Variants in INPP5D observed in about 807,000 individuals in gnomAD.
INPP5D encodes the protein inositol polyphosphate-5-phosphatase D, also known as phosphatidylinositol 3,4,5-trisphosphate 5-phosphatase 1.
Under a neutral mutation model 122.9 loss-of-function variants are expected in INPP5D, and 33 were observed. The ratio of observed to expected loss-of-function variants is 0.27; its 90% CI spans 0.20 to 0.36. INPP5D has a LOEUF of 0.36. INPP5D is among the 10% of genes least tolerant of loss of function. The pLI is 1.00. For synonymous variants in INPP5D, 584 were observed against 576.2 expected, an observed-to-expected ratio of 1.01 and a Z score of -0.19; for missense variants, 1,053 against 1,412.7, an observed-to-expected ratio of 0.75 and a Z score of 4.08.
chr2:233,187,905 A>G (rs1694961263), intron 21 of INPP5D, among the ~76,000 whole-genome samples: 1 of 151,904 alleles, frequency 6.6e-6, no homozygotes, highest in Non-Finnish European at 1.5e-5. Context: ...GCAGCACCCC[A>G]TTCCACAACA....
chr2:233,148,138 C>A (rs1693818487), intron 9 of INPP5D, among the ~76,000 whole-genome samples: 1 of 152,204 alleles, frequency 6.6e-6, no homozygotes, highest in Non-Finnish European at 1.5e-5. Flanking sequence ...GCTCTTCACA[C>A]AACAAATGCA....
chr2:233,108,628 T>C (rs952304735), intron 2 of INPP5D, among the ~76,000 whole-genome samples: 1 of 152,188 alleles, frequency 6.6e-6, no homozygotes, highest in Non-Finnish European at 1.5e-5. Flanking sequence ...AATCAGGCCA[T>C]CTTTGTGAGA....
rs1692289920 is a variant in INPP5D, at chr2:233,100,793, G to A, written c.199-21314G>A. ...CCAGAGGGCAGGGTGGGCCCCACTG[G>A]GGAGCTGGAGGGCTCACTTTTGTCA... On this transcript the variant is annotated intron_variant, in intron 2 of 26. Coordinates refer to ENST00000445964, the MANE Select transcript of INPP5D (RefSeq NM_001017915.3). The surrounding 1 kb of genome is among the most constrained non-coding windows in gnomAD (Gnocchi z 5.3). Among the ~76,000 whole-genome samples the A allele has an allele frequency of 6.6e-6, 1 of 152,176 alleles. No individual in the cohort carries two copies. Among genetic ancestry groups the A allele is most frequent in the South Asian group, 2.1e-4 (1 of 4,824 alleles).
rs1433818315 is a variant in INPP5D, at chr2:233,206,946, C to T, written c.*238C>T. 1 of 509,248 alleles carries T rather than the reference C, an allele frequency of 2.0e-6. No individual in the cohort carries two copies. Among genetic ancestry groups the T allele is most frequent in the South Asian group, 2.2e-5 (1 of 44,684 alleles). 31.5% of individuals were successfully genotyped at this position (509,248 alleles called of 1,614,324 possible). A position where few individuals can be genotyped will look rare whatever the true frequency, so the allele number is the denominator to read the frequency against. On this transcript the variant is annotated 3_prime_UTR_variant, in exon 27 of 27. Transcript: ENST00000445964. The surrounding 1 kb of genome is among the most constrained non-coding windows in gnomAD (Gnocchi z 4.0). ...CAGACGGGCAACAAACAGTCTGGGT[C>T]CCCAGCTCGCTCTTGGTACTTGGGA...
chr2:233,204,003 T>C (rs7609436), intron 25 of INPP5D, 123 bp from the exon 26 acceptor site: 1,069,922 of 1,372,172 alleles, frequency 0.78, 419,273 homozygotes, highest in East Asian at 1. Context: ...CAATGTTACA[T>C]GTCTCTATCT....
At chr2:233,195,520 TGGG>T (rs371979531) in intron 24 of INPP5D, 25 bp downstream of exon 24, 3 of 1,484,142 alleles carry the variant, frequency 2.0e-6, no homozygotes, top group Non-Finnish European at 2.8e-6. Context: ...GGGTGGGTGT[TGGG>T]GGGGGTGGAT....
At chr2:233,171,230 AGT>A in intron 17 of INPP5D, 78 bp downstream of exon 17, 1 of 1,549,362 alleles carries the variant, frequency 6.5e-7, no homozygotes, top group Middle Eastern at 1.7e-4. Flanking sequence ...GTGAACAGAA[AGT>A]GTCTTCATCC....
intron 2 of INPP5D, among the ~76,000 whole-genome samples, chr2:233,102,657 G>C (rs111935646): frequency 0.078 from 11,881 of 151,800 alleles, 744 homozygotes; most frequent in African/African-American, 0.18. Flanking sequence ...GACCATCCTG[G>C]CTAACACAGT....
At chr2:233,065,738 C>T (rs1041419520) in intron 1 of INPP5D, among the ~76,000 whole-genome samples, 2 of 151,750 alleles carry the variant, frequency 1.3e-5, no homozygotes, top group African/African-American at 4.8e-5. Context: ...CCTCCACCTC[C>T]AGGATTCAAG....
intron 1 of INPP5D, among the ~76,000 whole-genome samples, chr2:233,076,601 A>G (rs1691526425): frequency 6.6e-6 from 1 of 152,260 alleles, no homozygotes; most frequent in Non-Finnish European, 1.5e-5. Flanking sequence ...ATTGTAAAAC[A>G]TCTACACAGC....
chr2:233,091,450 G>C (rs1046864648), intron 2 of INPP5D, among the ~76,000 whole-genome samples: 1 of 152,222 alleles, frequency 6.6e-6, no homozygotes, highest in Non-Finnish European at 1.5e-5. Context: ...TCCTTCCAGA[G>C]GCTTCAGGGG....
chr2:233,088,430 C>T (rs563209483), intron 2 of INPP5D, among the ~76,000 whole-genome samples: 2 of 152,326 alleles, frequency 1.3e-5, no homozygotes, highest in East Asian at 3.9e-4. Flanking sequence ...CGATGCTTCC[C>T]GAGATGTCCC....
At chr2:233,144,774 G>A (rs1693715223) in intron 6 of INPP5D, among the ~76,000 whole-genome samples, 1 of 152,014 alleles carries the variant, frequency 6.6e-6, no homozygotes. Flanking sequence ...TAGTGATGGT[G>A]GTGTTGGTGG....
At chr2:233,081,531 G>A (rs1287184457) in intron 2 of INPP5D, among the ~76,000 whole-genome samples, 3 of 152,116 alleles carry the variant, frequency 2.0e-5, no homozygotes, top group South Asian at 4.1e-4. Context: ...CTGCGTCTCC[G>A]GTTTGCCCCT....
chr2:233,093,850 C>G (rs1159862753), intron 2 of INPP5D, among the ~76,000 whole-genome samples: 3 of 152,180 alleles, frequency 2.0e-5, no homozygotes, highest in Non-Finnish European at 2.9e-5. Context: ...TGGCTCTCTC[C>G]TGCCACCTGC....
intron 1 of INPP5D, among the ~76,000 whole-genome samples, chr2:233,068,040 C>G (rs1457497376): frequency 6.6e-6 from 1 of 151,978 alleles, no homozygotes; most frequent in East Asian, 1.9e-4. Flanking sequence ...AATCCCAGCA[C>G]TTTGGGAGGC....
intron 22 of INPP5D, among the ~76,000 whole-genome samples, chr2:233,193,251 T>C (rs1017369637): frequency 1.8e-4 from 27 of 152,242 alleles, no homozygotes; most frequent in Admixed American, 1.6e-3. Context: ...AAGAGCAACT[T>C]AATGATTCCT....
chr2:233,148,921 T>C (rs1338205418), intron 9 of INPP5D, among the ~76,000 whole-genome samples: 2 of 152,116 alleles, frequency 1.3e-5, no homozygotes, highest in East Asian at 1.9e-4. Flanking sequence ...AATTAGCAGA[T>C]AAAAATACAG....
chr2:233,198,097 C>T lies in INPP5D; in HGVS notation c.2696C>T (p.Ala899Val), dbSNP rs780714404. The part of the protein sequence containing the change: ...PMKQWEVTSR[A>V]PPCSGSSITE... ...GTGACTCCATGTCCTCCCTGCAGGGCCCCTCCGTGCAGTGGCTCCAGCATC... is the reference window on the plus strand; with the variant it reads ...GTGACTCCATGTCCTCCCTGCAGGGTCCCTCCGTGCAGTGGCTCCAGCATC... The change falls in exon 25 of 27, where the codon GCC (alanine) becomes GTC (valine). Residue 899 changes from alanine to valine, a missense_variant and splice_region_variant. Ala to Val is a moderately conservative substitution (Grantham distance 64). Transcript: ENST00000445964. The T allele has an allele frequency of 1.9e-6, 3 of 1,591,814 alleles. No homozygotes were observed. The highest frequency in any genetic ancestry group is 2.6e-6 in the Non-Finnish European group (3 of 1,167,114).
Sources: allele counts gnomAD v4.1 joint callset (sites outside exome capture counted in the v4.1 genomes callset), GRCh38; gene constraint gnomAD v4.1.1; non-coding constraint Gnocchi (gnomAD v3.1); transcripts MANE v1.5; gene names NCBI Gene and HGNC (gene_info 2026-07-23, HGNC 2026-07-21).